BORCS7: variants seen among roughly 807,000 people sequenced by gnomAD.
BORCS7 encodes BLOC-1 related complex subunit 7.
A neutral mutation model predicts 17.5 loss-of-function variants in BORCS7; 20 were observed. The observed-to-expected ratio is 1.14, with a 90% CI of 0.80 to 1.66. The LOEUF (loss-of-function observed/expected upper bound fraction) is 1.66. Among genes scored for constraint, BORCS7 ranks in the 40% most tolerant of loss-of-function variants. The pLI is 0.00. For missense variants in BORCS7, 122 were observed against 129.7 expected (o/e 0.94, Z 0.29); for synonymous variants, 57 against 49.8 (o/e 1.14, Z -0.61).
chr10:102,858,262 T>C (rs1156274838), intron 1 of BORCS7, among the ~76,000 whole-genome samples: 1 of 151,816 alleles, frequency 6.6e-6, no homozygotes, highest in African/African-American at 2.4e-5. Context: ...GTATGTTACA[T>C]TTTAAGTAGG....
chr10:102,862,747 A>C (rs1276408501), intron 4 of BORCS7, 126 bp from the exon 5 acceptor site: 2 of 755,932 alleles, frequency 2.6e-6, no homozygotes, highest in African/African-American at 3.5e-5. Flanking sequence ...CCAGAGTTTG[A>C]GATTGCCTTG....
In BORCS7 at chr10:102,854,695, CT is replaced by C. The variant is rs542119038; in HGVS notation, c.141+269del. On this transcript the variant is annotated intron_variant, in intron 1 of 4. Transcript: ENST00000339834. ...TGGGAGGCCGAGGCGGGCGGATCAC[CT>C]GAGGTCGGGAGTTCGAAACTAGCCT... Among the ~76,000 whole-genome samples, 616 of 151,674 alleles carry C rather than the reference CT, an allele frequency of 4.1e-3. 3 individuals carry two copies. Among genetic ancestry groups the C allele is most frequent in the Middle Eastern group, 0.01 (3 of 294 alleles).
chr10:102,862,859 A>G lies in BORCS7; in HGVS notation c.270-14A>G, dbSNP rs1330264105. The G allele has an allele frequency of 2.5e-6, 4 of 1,597,332 alleles. No homozygotes were observed. The South Asian group carries it at 4.4e-5, about 18-fold the overall frequency. ...CTCATTTCAGATAAACCCTGTCTCT[A>G]TTCTAATTCCTAGTGTTGAACAGTC... is the stretch of plus-strand genomic sequence containing the variant. On this transcript the variant is annotated splice_polypyrimidine_tract_variant and intron_variant, in intron 4 of 4. Coordinates refer to ENST00000339834, the MANE Select transcript of BORCS7 (RefSeq NM_001136200.2).
chr10:102,860,568 T>A, intron 3 of BORCS7, 27 bp downstream of exon 3: 1 of 1,604,968 alleles, frequency 6.2e-7, no homozygotes, highest in South Asian at 1.1e-5. Flanking sequence ...CAGCAACTAT[T>A]TGCTGCAGAA....
Position 102,862,931 on chromosome 10 carries a change from A to G in BORCS7, c.*7A>G, listed in dbSNP as rs1844543204. On this transcript the variant is annotated 3_prime_UTR_variant, in exon 5 of 5. Transcript: ENST00000339834. Reference sequence around the variant, plus strand: ...GAATCATCTGTTGAAATAGAATGACATGTAAGAGTGCTGTAGGACTCCTTT... The same window carrying G: ...GAATCATCTGTTGAAATAGAATGACGTGTAAGAGTGCTGTAGGACTCCTTT... 1 of 1,604,030 alleles carries G rather than the reference A, an allele frequency of 6.2e-7. No individual in the cohort carries two copies. The highest frequency in any genetic ancestry group is 8.5e-7 in the Non-Finnish European group (1 of 1,170,848).
At chr10:102,854,781 C>T (rs1184712982) in intron 1 of BORCS7, among the ~76,000 whole-genome samples, 2 of 151,084 alleles carry the variant, frequency 1.3e-5, no homozygotes, top group African/African-American at 2.4e-5. Context: ...AATATATAGC[C>T]GAGCGTGGTG....
Position 102,854,294 on chromosome 10 carries a change from C to G in BORCS7, c.8C>G (p.Ala3Gly), listed in dbSNP as rs774110787. The change falls in exon 1 of 5, where the codon GCG becomes GGG. Residue 3 changes from alanine to glycine, a missense_variant. Transcript: ENST00000339834. ...AACCGTTCGCTAACTGAAATGATGG[C>G]GACTGGAACGCCAGAGTCTCAAGCG... MM[A>G]TGTPESQARF... 1.2e-6 allele frequency: 2 copies of G among 1,605,614 alleles called. No homozygotes were observed. The highest frequency in any genetic ancestry group is 2.2e-5 in the East Asian group (1 of 44,696).
intron 3 of BORCS7, among the ~76,000 whole-genome samples, chr10:102,861,127 G>A (rs1844511918): frequency 6.6e-6 from 1 of 152,048 alleles, no homozygotes; most frequent in African/African-American, 2.4e-5. Flanking sequence ...AGAAATATAT[G>A]GTTGGGGCTG....
At chr10:102,856,170 CAT>C (rs1459948687) in intron 1 of BORCS7, among the ~76,000 whole-genome samples, 1 of 152,190 alleles carries the variant, frequency 6.6e-6, no homozygotes, top group Admixed American at 6.5e-5. Flanking sequence ...GGTTATGACT[CAT>C]AGGCTTGTCT....
At chr10:102,860,741 G>T (rs1844503784) in intron 3 of BORCS7, 200 bp downstream of exon 3, 2 of 625,608 alleles carry the variant, frequency 3.2e-6, no homozygotes, top group Non-Finnish European at 5.6e-6. Flanking sequence ...CAGGAGCAGA[G>T]TCCACCCTTT....
chr10:102,855,879 A>G (rs934163213), intron 1 of BORCS7, among the ~76,000 whole-genome samples: 5 of 152,156 alleles, frequency 3.3e-5, no homozygotes, highest in Non-Finnish European at 5.9e-5. Context: ...CTCCTGCCTC[A>G]GCCTCCTGAG....
Position 102,860,795 on chromosome 10 carries a change from T to C in BORCS7, c.248+254T>C, listed in dbSNP as rs565582895. The C allele has an allele frequency of 5.3e-5, 31 of 584,986 alleles. No individual in the cohort carries two copies. In the East Asian group the frequency reaches 8.5e-4, roughly 16 times the overall value. 36.2% of individuals were successfully genotyped at this position (584,986 alleles called of 1,614,324 possible). A position where few individuals can be genotyped will look rare whatever the true frequency, so the allele number is the denominator to read the frequency against. On this transcript the variant is annotated intron_variant, in intron 3 of 4. Coordinates refer to ENST00000339834, the MANE Select transcript of BORCS7 (RefSeq NM_001136200.2). ...AATTGAGGGCTCCTCAGAGAGAGAC[T>C]ATAAACCCTGTAAAGGCAGGGCCCG... is the stretch of plus-strand genomic sequence containing the variant.
intron 1 of BORCS7, among the ~76,000 whole-genome samples, chr10:102,855,436 G>A (rs927777341): frequency 1.3e-5 from 2 of 152,080 alleles, no homozygotes; most frequent in Non-Finnish European, 2.9e-5. Context: ...GATTACAGGC[G>A]TGAGCCACCG....
chr10:102,858,098 G>A (rs1173432050), intron 1 of BORCS7, among the ~76,000 whole-genome samples: 2 of 151,048 alleles, frequency 1.3e-5, no homozygotes, highest in Non-Finnish European at 2.9e-5. Context: ...CCGGGAGGTT[G>A]AGGCTTCAGT....
chr10:102,856,787 G>A (rs964391763), intron 1 of BORCS7, among the ~76,000 whole-genome samples: 4 of 152,170 alleles, frequency 2.6e-5, no homozygotes, highest in Admixed American at 6.6e-5. Context: ...GAATGCCAAT[G>A]AATATATCAA....
At chr10:102,858,319 G>A (rs1844463460) in intron 1 of BORCS7, among the ~76,000 whole-genome samples, 1 of 151,810 alleles carries the variant, frequency 6.6e-6, no homozygotes, top group Non-Finnish European at 1.5e-5. Context: ...TGTTTAAAAA[G>A]GAACAATGGA....
intron 1 of BORCS7, among the ~76,000 whole-genome samples, chr10:102,855,506 G>C: frequency 6.6e-6 from 1 of 152,130 alleles, no homozygotes; most frequent in East Asian, 1.9e-4. Flanking sequence ...GATTAGCTGA[G>C]AATTTCATGT....
intron 1 of BORCS7, among the ~76,000 whole-genome samples, chr10:102,858,176 A>AATAT (rs1554882040): frequency 4.9e-5 from 6 of 121,726 alleles, no homozygotes; most frequent in South Asian, 2.6e-4. Flanking sequence ...AAAAAAAAAA[A>AATAT]ATATATATAT....
At chr10:102,859,351 G>C (rs946721977) in intron 1 of BORCS7, among the ~76,000 whole-genome samples, 1 of 151,790 alleles carries the variant, frequency 6.6e-6, no homozygotes, top group Non-Finnish European at 1.5e-5. Flanking sequence ...TGTTGGCCAG[G>C]CTGGTCTTGA....
Sources: allele counts gnomAD v4.1 joint callset (sites outside exome capture counted in the v4.1 genomes callset), GRCh38; gene constraint gnomAD v4.1.1; transcripts MANE v1.5; gene names NCBI Gene and HGNC (gene_info 2026-07-23, HGNC 2026-07-21).